The following AHI1 variants were observed in gnomAD, a reference collection of about 807,000 sequenced individuals.
AHI1 encodes Abelson helper integration site 1, also known as jouberin.
In AHI1, 123 loss-of-function variants were observed where a neutral mutation model predicts 149.3. That is an observed-to-expected ratio of 0.82 (90% CI 0.71 to 0.96). AHI1 has a LOEUF of 0.96. AHI1 is among the 40% of genes least tolerant of loss of function. The pLI is 0.00. For synonymous variants in AHI1, 475 were observed against 459.8 expected (o/e 1.03, Z -0.42); for missense variants, 1,439 against 1,422.7 (o/e 1.01, Z -0.18).
At chr6:135,362,091 G>A (rs921809771) in intron 23 of AHI1, among the ~76,000 whole-genome samples, 13 of 151,878 alleles carry the variant, frequency 8.6e-5, no homozygotes, top group Non-Finnish European at 5.9e-5. Flanking sequence ...TTATGACTAA[G>A]TAGTATTCCA....
chr6:135,464,613 A>T (rs748150953), intron 7 of AHI1, among the ~76,000 whole-genome samples: 7 of 151,700 alleles, frequency 4.6e-5, no homozygotes, highest in Non-Finnish European at 1.0e-4. Flanking sequence ...TCTTGCTCTC[A>T]CTCTCTCAGA....
At chr6:135,477,591 T>C (rs1792890316) in intron 5 of AHI1, among the ~76,000 whole-genome samples, 1 of 152,152 alleles carries the variant, frequency 6.6e-6, no homozygotes, top group Non-Finnish European at 1.5e-5. Context: ...GGATATCCCC[T>C]TGCTGTTCTC....
intron 4 of AHI1, among the ~76,000 whole-genome samples, chr6:135,491,495 C>A (rs922002887): frequency 6.6e-6 from 1 of 152,170 alleles, no homozygotes; most frequent in African/African-American, 2.4e-5. Flanking sequence ...AAAACACCTC[C>A]TGACAAACTC....
chr6:135,397,330 G>T (rs1779362173), intron 22 of AHI1, among the ~76,000 whole-genome samples: 1 of 151,918 alleles, frequency 6.6e-6, no homozygotes, highest in Non-Finnish European at 1.5e-5. Flanking sequence ...CTGCGGAAAA[G>T]AATTGCTTAA....
At chr6:135,358,607 T>C (rs1350580756) in intron 23 of AHI1, among the ~76,000 whole-genome samples, 1 of 152,208 alleles carries the variant, frequency 6.6e-6, no homozygotes, top group African/African-American at 2.4e-5. Flanking sequence ...AAAGAATAAA[T>C]AAATCCATCT....
chr6:135,444,102 A>G (rs887584205), intron 13 of AHI1, among the ~76,000 whole-genome samples: 2 of 152,318 alleles, frequency 1.3e-5, no homozygotes, highest in Middle Eastern at 3.4e-3. Flanking sequence ...AAAAGCCTTG[A>G]CTGTTTCTCC....
In AHI1 at chr6:135,290,341, G is replaced by GTATT; in HGVS notation, c.3588+78_3588+81dup. The GTATT allele has an allele frequency of 3.4e-6, 3 of 872,036 alleles. No homozygotes were observed. The Admixed American group carries it at 5.4e-5, about 16-fold the overall frequency. The allele number at this position is 872,036 out of a possible 1,614,324, so 54.0% of individuals were successfully genotyped here. On this transcript the variant is annotated intron_variant, in intron 28 of 28. Coordinates refer to ENST00000265602, the MANE Select transcript of AHI1 (RefSeq NM_001134831.2). ...TCCTTATTTTACTTGCCTCTCTCTG[G>GTATT]TATTTGTCCTTGCTGACCATGCTTT...
At position 135,416,196 on chromosome 6, in the gene AHI1, GTAAT is replaced by G. The variant is rs568539118; in HGVS notation, c.2765-4656_2765-4653del. On this transcript the variant is annotated intron_variant, in intron 20 of 28. Transcript: ENST00000265602. The stretch of plus-strand genomic sequence containing the variant: ...AAATGACAAAATTGTAATGAAAGGG[GTAAT>G]TAATCTTACTATGCAGAGTTCCCAT... Among the ~76,000 whole-genome samples, 984 of 152,010 alleles carry G rather than the reference GTAAT, an allele frequency of 6.5e-3. 5 individuals are homozygous for G. The highest frequency in any genetic ancestry group is 0.014 in the Admixed American group (211 of 15,230).
At chr6:135,428,839 T>A in intron 18 of AHI1, 80 bp from the exon 19 acceptor site, 1 of 1,292,172 alleles carries the variant, frequency 7.7e-7, no homozygotes, top group Non-Finnish European at 1.0e-6. Context: ...TTCTCTTAAA[T>A]ACTTAATTTC....
chr6:135,303,549 G>A (rs1784155253), intron 26 of AHI1, among the ~76,000 whole-genome samples: 1 of 150,810 alleles, frequency 6.6e-6, no homozygotes, highest in African/African-American at 2.4e-5. Context: ...AGCCTCTCTT[G>A]GGGTCTTTTT....
chr6:135,481,664 T>C (rs1366223576), intron 5 of AHI1, among the ~76,000 whole-genome samples: 1 of 151,310 alleles, frequency 6.6e-6, no homozygotes, highest in East Asian at 1.9e-4. Flanking sequence ...TGTTGTGCTC[T>C]TCTTTTTTGT....
intron 5 of AHI1, among the ~76,000 whole-genome samples, chr6:135,472,739 T>C (rs1487527911): frequency 6.6e-6 from 1 of 152,170 alleles, no homozygotes; most frequent in Non-Finnish European, 1.5e-5. Context: ...ATTTTCCTAA[T>C]TACTATGACA....
At chr6:135,420,702 T>C (rs1387372210) in intron 20 of AHI1, among the ~76,000 whole-genome samples, 1 of 152,196 alleles carries the variant, frequency 6.6e-6, no homozygotes, top group Non-Finnish European at 1.5e-5. Flanking sequence ...GATTAGGCTC[T>C]GGCATAAGGG....
At chr6:135,491,387 G>A (rs1795225987) in intron 4 of AHI1, among the ~76,000 whole-genome samples, 1 of 152,086 alleles carries the variant, frequency 6.6e-6, no homozygotes, top group African/African-American at 2.4e-5. Flanking sequence ...CTCCGTCACA[G>A]CAAGCTCCTT....
chr6:135,485,019 C>G (rs915501955), intron 5 of AHI1, among the ~76,000 whole-genome samples: 1 of 151,798 alleles, frequency 6.6e-6, no homozygotes, highest in East Asian at 1.9e-4. Context: ...AAATTCCTTC[C>G]CTCAAAAGCT....
intron 3 of AHI1, among the ~76,000 whole-genome samples, chr6:135,494,125 T>C (rs567682328): frequency 6.6e-6 from 1 of 152,370 alleles, no homozygotes; most frequent in East Asian, 1.9e-4. Context: ...AGATTAGTAG[T>C]ATCATTACAC....
rs1403751342 is a variant in AHI1, at chr6:135,390,974, C to A, written c.3109+3802G>T. Among the ~76,000 whole-genome samples, 7 of 152,138 alleles carry A rather than the reference C, an allele frequency of 4.6e-5. No individual in the cohort carries two copies. The South Asian group carries it at 8.3e-4, about 18-fold the overall frequency. ...TGGTAAGGCATTTAGATGGGCTATG[C>A]CCTAAAATTAAACAAAAAATGTTAA... On this transcript the variant is annotated intron_variant, in intron 23 of 28. Coordinates refer to ENST00000265602, the MANE Select transcript of AHI1 (RefSeq NM_001134831.2).
chr6:135,482,257 C>T (rs1010670674), intron 5 of AHI1, among the ~76,000 whole-genome samples: 1 of 152,138 alleles, frequency 6.6e-6, no homozygotes, highest in African/African-American at 2.4e-5. Flanking sequence ...ATTCCAAAGG[C>T]CTTTTTTAGT....
intron 15 of AHI1, among the ~76,000 whole-genome samples, chr6:135,437,413 G>T (rs1370049052): frequency 6.6e-6 from 1 of 152,174 alleles, no homozygotes; most frequent in Non-Finnish European, 1.5e-5. Context: ...ATAGTTTCTT[G>T]AGGATATTGT....
Sources: allele counts gnomAD v4.1 joint callset (sites outside exome capture counted in the v4.1 genomes callset), GRCh38; gene constraint gnomAD v4.1.1; transcripts MANE v1.5; gene names NCBI Gene and HGNC (gene_info 2026-07-23, HGNC 2026-07-21).